The following CERS6 variants were observed in gnomAD, a reference collection of about 807,000 sequenced individuals.
CERS6 encodes ceramide synthase 6, also known as LAG1 homolog, ceramide synthase 6.
In CERS6, 26 loss-of-function variants were observed where a neutral mutation model predicts 56.8. That is an observed-to-expected ratio of 0.46 (90% CI 0.34 to 0.63). The LOEUF is 0.63. Among genes scored for constraint, CERS6 ranks in the 30% least tolerant of loss-of-function variants. The pLI is 0.01. For missense variants in CERS6, 415 were observed against 467.5 expected (o/e 0.89, Z 1.04); for synonymous variants, 164 against 173.3 (o/e 0.95, Z 0.42).
intron 3 of CERS6, among the ~76,000 whole-genome samples, chr2:168,593,738 A>G (rs1311262185): frequency 1.3e-5 from 2 of 152,212 alleles, no homozygotes. Flanking sequence ...ACTTTTTCAA[A>G]GGTTCTAGTT....
intron 4 of CERS6, among the ~76,000 whole-genome samples, chr2:168,686,434 A>AT (rs1461151109): frequency 8.5e-6 from 1 of 117,340 alleles, no homozygotes; most frequent in African/African-American, 3.2e-5. Flanking sequence ...AAAAGACGCA[A>AT]TTTCTGTTAA....
intron 1 of CERS6, among the ~76,000 whole-genome samples, chr2:168,468,274 T>C (rs372634303): frequency 2.0e-5 from 3 of 152,192 alleles, no homozygotes; most frequent in African/African-American, 7.2e-5. Context: ...TTCAGTGATA[T>C]GCAGATATCT....
intron 4 of CERS6, among the ~76,000 whole-genome samples, chr2:168,648,909 T>C (rs1685270983): frequency 6.6e-6 from 1 of 152,168 alleles, no homozygotes; most frequent in Non-Finnish European, 1.5e-5. Context: ...TATGACCAAT[T>C]ATATGGCCAA....
rs1391714558 is a variant in CERS6, at chr2:168,456,371, C to A, written c.-78C>A. The A allele has an allele frequency of 8.4e-7, 1 of 1,191,320 alleles. No individual in the cohort carries two copies. Among genetic ancestry groups the A allele is most frequent in the Non-Finnish European group, 1.1e-6 (1 of 898,974 alleles). 73.8% of individuals were successfully genotyped at this position (1,191,320 alleles called of 1,614,324 possible). A position where few individuals can be genotyped will look rare whatever the true frequency, so the allele number is the denominator to read the frequency against. ...CGGCACAGGCTCGGGGCCAGCCGGG[C>A]GCGCATCCCCGGGCGCCCTGCGCGG... On this transcript the variant is annotated 5_prime_UTR_variant, in exon 1 of 10. Coordinates refer to ENST00000305747, the MANE Select transcript of CERS6 (RefSeq NM_203463.3). This position sits in a 1 kb window ranked among gnomAD's most constrained non-coding sequence, Gnocchi z 4.1.
In CERS6 at chr2:168,555,722, C is replaced by CTGTGTGTGTGTGTG. The variant is rs58781728; in HGVS notation, c.277-5440_277-5427dup. Reference sequence around the variant, plus strand: ...TTATTCTAGGAAAGTATAATTGACTCTGTGTGTGTGTGTGTGTGTGTGTGT... The same window carrying CTGTGTGTGTGTGTG: ...TTATTCTAGGAAAGTATAATTGACTCTGTGTGTGTGTGTGTGTGTGTGTGTGTGTGTGTGTGTGT... On this transcript the variant is annotated intron_variant, in intron 2 of 9. Coordinates refer to ENST00000305747, the MANE Select transcript of CERS6 (RefSeq NM_203463.3). Among the ~76,000 whole-genome samples, 1,228 of 140,942 alleles carry CTGTGTGTGTGTGTG rather than the reference C, an allele frequency of 8.7e-3. 22 individuals carry two copies. Among genetic ancestry groups the CTGTGTGTGTGTGTG allele is most frequent in the African/African-American group, 0.025 (908 of 36,358 alleles). 92.5% of individuals were successfully genotyped at this position (140,942 alleles called of 152,430 possible). A position where few individuals can be genotyped will look rare whatever the true frequency, so the allele number is the denominator to read the frequency against.
chr2:168,537,878 C>A (rs985727127), intron 1 of CERS6, among the ~76,000 whole-genome samples: 8 of 152,166 alleles, frequency 5.3e-5, no homozygotes, highest in African/African-American at 1.7e-4. Context: ...CTCAGACTTA[C>A]CAGGCCTCAC....
intron 1 of CERS6, among the ~76,000 whole-genome samples, chr2:168,457,495 A>G (rs1173357609): frequency 6.6e-6 from 1 of 152,134 alleles, no homozygotes; most frequent in Non-Finnish European, 1.5e-5. Flanking sequence ...TGTGCCTGCC[A>G]TGCATTCTCT....
intron 7 of CERS6, 23 bp from the exon 8 acceptor site, chr2:168,717,849 T>G: frequency 6.4e-7 from 1 of 1,553,916 alleles, no homozygotes; most frequent in Non-Finnish European, 8.9e-7. Flanking sequence ...TACATTAATA[T>G]ATCACATTCC....
rs1574038670 is a variant in CERS6 at position 168,519,201 on chromosome 2, T to C, written c.171-28395T>C. Among the ~76,000 whole-genome samples the C allele has an allele frequency of 2.0e-5, 3 of 152,196 alleles. No homozygotes were observed. In the East Asian group the frequency reaches 5.8e-4, roughly 29 times the overall value. ...TTGATATTCCTTAGAATGCTGGCCT[T>C]GGTAGCATTTTTCAAATTGTTTTCC... On this transcript the variant is annotated intron_variant, in intron 1 of 9. Coordinates refer to ENST00000305747, the MANE Select transcript of CERS6 (RefSeq NM_203463.3).
chr2:168,661,903 G>A (rs1238645209), intron 4 of CERS6, among the ~76,000 whole-genome samples: 2 of 152,214 alleles, frequency 1.3e-5, no homozygotes, highest in Non-Finnish European at 2.9e-5. Context: ...ATTCTTTCTT[G>A]TATTGCTAAG....
intron 1 of CERS6, among the ~76,000 whole-genome samples, chr2:168,502,298 C>T (rs1020001128): frequency 2.0e-5 from 3 of 151,910 alleles, no homozygotes; most frequent in African/African-American, 7.3e-5. Flanking sequence ...TATTTACCTC[C>T]GTCTTTCAGA....
chr2:168,741,378 A>T (rs199680992), intron 8 of CERS6, among the ~76,000 whole-genome samples: 50,023 of 141,800 alleles, frequency 0.35, 8,788 homozygotes, highest in East Asian at 0.52. Flanking sequence ...AGAATTAAAA[A>T]AAAAAAAAAA....
chr2:168,762,096 A>G (rs1361357651), intron 8 of CERS6, among the ~76,000 whole-genome samples: 1 of 152,112 alleles, frequency 6.6e-6, no homozygotes, highest in Admixed American at 6.6e-5. Context: ...TGAGTGCAGC[A>G]AACCACCATG....
chr2:168,739,376 A>C (rs1322329184), intron 8 of CERS6, among the ~76,000 whole-genome samples: 1 of 152,186 alleles, frequency 6.6e-6, no homozygotes, highest in East Asian at 1.9e-4. Context: ...ACAGGATACA[A>C]TGCAGAACAA....
chr2:168,480,642 C>G (rs1694161387), intron 1 of CERS6, among the ~76,000 whole-genome samples: 1 of 152,158 alleles, frequency 6.6e-6, no homozygotes, highest in African/African-American at 2.4e-5. Flanking sequence ...ACTAATGTGT[C>G]TGAGAACTGG....
chr2:168,699,374 G>C (rs73973409), intron 6 of CERS6, among the ~76,000 whole-genome samples: 1,860 of 152,280 alleles, frequency 0.012, 29 homozygotes, highest in African/African-American at 0.041. Context: ...GTTAATAGAA[G>C]AGTTATCACA....
chr2:168,531,775 C>T (rs1209736966), intron 1 of CERS6, among the ~76,000 whole-genome samples: 5 of 150,498 alleles, frequency 3.3e-5, no homozygotes, highest in South Asian at 2.1e-4. Flanking sequence ...GAGGCAGGAT[C>T]GCTCCACTGC....
intron 4 of CERS6, among the ~76,000 whole-genome samples, chr2:168,651,681 A>G (rs1685344153): frequency 6.6e-6 from 1 of 152,170 alleles, no homozygotes; most frequent in Non-Finnish European, 1.5e-5. Context: ...ACTCAGTATC[A>G]TGAGAGCAGC....
chr2:168,562,704 A>G (rs141580612), intron 3 of CERS6, among the ~76,000 whole-genome samples: 133 of 152,306 alleles, frequency 8.7e-4, no homozygotes, highest in African/African-American at 3.1e-3. Context: ...GAACAAATGT[A>G]TAGTCGGGTT....
Sources: allele counts gnomAD v4.1 joint callset (sites outside exome capture counted in the v4.1 genomes callset), GRCh38; gene constraint gnomAD v4.1.1; non-coding constraint Gnocchi (gnomAD v3.1); transcripts MANE v1.5; gene names NCBI Gene and HGNC (gene_info 2026-07-23, HGNC 2026-07-21).